The following PRELID2 variants were observed in gnomAD, a reference collection of about 807,000 sequenced individuals.
The protein encoded by PRELID2 is PRELI domain-containing protein 2.
Under a neutral mutation model 28.4 loss-of-function variants are expected in PRELID2, and 25 were observed. That is an observed-to-expected ratio of 0.88 (90% CI 0.64 to 1.23). PRELID2 has a LOEUF of 1.23. Ranked by LOEUF, PRELID2 falls within the 50% of genes most tolerant of loss-of-function variation. PRELID2 has a pLI of 0.00. For synonymous variants in PRELID2, 76 were observed against 71.6 expected (o/e 1.06, Z -0.31); for missense variants, 201 against 214.4 (o/e 0.94, Z 0.39).
chr5:145,393,109 T>C, the PRELID2 span, among the ~76,000 whole-genome samples: 4 of 152,182 alleles, frequency 2.6e-5, no homozygotes, highest in African/African-American at 4.8e-5. Context: ...TAGTGTTCTG[T>C]GAATCTGGTA....
At chr5:145,399,151 C>A in the PRELID2 span, among the ~76,000 whole-genome samples, 1 of 152,078 alleles carries the variant, frequency 6.6e-6, no homozygotes, top group Non-Finnish European at 1.5e-5. Context: ...TTTATCATTT[C>A]TGTACTCTTC....
At chr5:145,462,027 T>C in the PRELID2 span, among the ~76,000 whole-genome samples, 1 of 152,204 alleles carries the variant, frequency 6.6e-6, no homozygotes. Context: ...ACCTGAATAA[T>C]ACATTATGAA....
downstream of PRELID2, among the ~76,000 whole-genome samples, chr5:145,467,163 T>C (rs771492787): frequency 2.0e-4 from 30 of 152,150 alleles, no homozygotes; most frequent in Non-Finnish European, 3.4e-4. Context: ...ACTATCCCAG[T>C]GGTTATCATG....
chr5:145,441,911 G>A, the PRELID2 span, among the ~76,000 whole-genome samples: 5 of 152,058 alleles, frequency 3.3e-5, no homozygotes, highest in African/African-American at 7.2e-5. Context: ...TGCATAATGC[G>A]ATTCAGACAA....
intron 1 of PRELID2, among the ~76,000 whole-genome samples, chr5:145,684,300 C>G (rs886715819): frequency 1.3e-5 from 2 of 152,176 alleles, no homozygotes; most frequent in African/African-American, 4.8e-5. Context: ...TGAACTTTTA[C>G]GCAATCAGAA....
chr5:145,774,224 G>A (rs1292755666), intron 5 of PRELID2, among the ~76,000 whole-genome samples: 1 of 152,140 alleles, frequency 6.6e-6, no homozygotes, highest in East Asian at 1.9e-4. Flanking sequence ...CCATTTCCAG[G>A]TAAGAAAACT....
intron 2 of PRELID2, among the ~76,000 whole-genome samples, 179 bp downstream of exon 2, chr5:145,822,898 C>T (rs6898776): frequency 0.53 from 80,449 of 151,960 alleles, 24,075 homozygotes; most frequent in Non-Finnish European, 0.69. Context: ...ACCTGCCACA[C>T]CTTTCTAAGT....
the PRELID2 span, among the ~76,000 whole-genome samples, chr5:145,251,002 C>G: frequency 6.6e-6 from 1 of 152,066 alleles, no homozygotes; most frequent in Non-Finnish European, 1.5e-5. Context: ...TATTTTAAAA[C>G]ATACTTGTTT....
Position 145,645,456 on chromosome 5 carries a change from T to C in PRELID2, n.70+119475A>G, listed in dbSNP as rs139740976. Among the ~76,000 whole-genome samples the C allele has an allele frequency of 2.7e-3, 402 of 148,414 alleles. 2 individuals carry two copies. Among genetic ancestry groups the C allele is most frequent in the African/African-American group, 9.6e-3 (388 of 40,366 alleles). ...TTTGTACATGAGATGGTCTCCTGAA[T>C]ACAGGACACCAAAGGGTCTTGACTC... is the stretch of plus-strand genomic sequence containing the variant. On this transcript the variant is annotated intron_variant and non_coding_transcript_variant, in intron 1 of 2. Transcript: ENST00000510259.
chr5:145,772,922 T>C lies in PRELID2; in HGVS notation c.475-7922A>G, dbSNP rs575543196. ...AAGACAATGTTTTTTCAATTAGAAA[T>C]AGCCTGATAGAATGTATGGCTTCAA... On this transcript the variant is annotated intron_variant, in intron 5 of 6. Transcript: ENST00000683046. Among the ~76,000 whole-genome samples, 29 of 152,358 alleles carry C rather than the reference T, an allele frequency of 1.9e-4. No homozygotes were observed. In the East Asian group the frequency reaches 5.4e-3, roughly 28 times the overall value.
intron 1 of PRELID2, among the ~76,000 whole-genome samples, chr5:145,561,357 G>A (rs1752924146): frequency 6.6e-6 from 1 of 151,952 alleles, no homozygotes; most frequent in African/African-American, 2.4e-5. Context: ...TGGTTCAAGT[G>A]AGTGCCGACA....
chr5:145,470,690 T>C (rs1752046613), downstream of PRELID2, among the ~76,000 whole-genome samples: 1 of 152,100 alleles, frequency 6.6e-6, no homozygotes, highest in Non-Finnish European at 1.5e-5. Flanking sequence ...ATGATATGAA[T>C]GACAGTCAAA....
chr5:145,783,129 G>C (rs547889613), intron 5 of PRELID2, among the ~76,000 whole-genome samples: 1 of 152,258 alleles, frequency 6.6e-6, no homozygotes, highest in African/African-American at 2.4e-5. Context: ...TTCATTTCAG[G>C]CAAGAGCTTG....
At chr5:145,273,131 C>T in the PRELID2 span, among the ~76,000 whole-genome samples, 4 of 152,030 alleles carry the variant, frequency 2.6e-5, no homozygotes, top group African/African-American at 7.2e-5. Flanking sequence ...AAGCAGAGTT[C>T]GGGCACATAA....
chr5:145,450,639 CTGTT>C, the PRELID2 span: 1 of 152,102 alleles, frequency 6.6e-6, no homozygotes, highest in African/African-American at 2.4e-5. Context: ...ATTTGGTTTA[CTGTT>C]TGTTTTTTCA....
At chr5:145,810,516 T>A (rs570056404) in intron 4 of PRELID2, among the ~76,000 whole-genome samples, 1 of 152,204 alleles carries the variant, frequency 6.6e-6, no homozygotes, top group East Asian at 1.9e-4. Flanking sequence ...GCCTCTCAAA[T>A]TGAGGCACTC....
the PRELID2 span, among the ~76,000 whole-genome samples, chr5:145,422,864 T>C: frequency 2.6e-4 from 39 of 152,284 alleles, no homozygotes; most frequent in African/African-American, 8.4e-4. Flanking sequence ...GATTTTGCAG[T>C]GGCTGGTACC....
intron 1 of PRELID2, chr5:145,728,635 G>T (rs1028203836): frequency 7.9e-7 from 1 of 1,272,536 alleles, no homozygotes; most frequent in Non-Finnish European, 1.1e-6. Flanking sequence ...ACTCCATAAC[G>T]AACATAACCA....
chr5:145,536,029 C>T (rs1034306772), intron 1 of PRELID2, among the ~76,000 whole-genome samples: 2 of 151,766 alleles, frequency 1.3e-5, no homozygotes, highest in Non-Finnish European at 2.9e-5. Flanking sequence ...GTTAGAAGTG[C>T]AATGAAAAAA....
Sources: gnomAD v4.1 joint callset for allele counts (sites outside exome capture counted in the v4.1 genomes callset) on GRCh38, gnomAD v4.1.1 for gene constraint, MANE v1.5 for transcripts, NCBI Gene and HGNC (gene_info 2026-07-23, HGNC 2026-07-21) for gene names.